Variants in SPOCK3 observed in about 807,000 individuals in gnomAD.
SPOCK3 encodes testican-3.
Under a neutral mutation model 56.6 loss-of-function variants are expected in SPOCK3, and 30 were observed. The observed-to-expected ratio is 0.53, with a 90% CI of 0.40 to 0.72. The LOEUF is 0.72. SPOCK3 is among the 30% of genes least tolerant of loss of function. The pLI, the probability that SPOCK3 is intolerant of heterozygous loss-of-function variation, is 0.00. For missense variants in SPOCK3, 527 were observed against 530.0 expected, an observed-to-expected ratio of 0.99 and a Z score of 0.06; for synonymous variants, 196 against 183.3, an observed-to-expected ratio of 1.07 and a Z score of -0.56.
chr4:166,927,525 G>A (rs944829277), intron 4 of SPOCK3, among the ~76,000 whole-genome samples: 2 of 152,236 alleles, frequency 1.3e-5, no homozygotes, highest in African/African-American at 4.8e-5. Context: ...TCAGCAGCAT[G>A]AAAACAGATG....
Position 166,734,884 on chromosome 4 carries a change from T to C in SPOCK3, c.*37A>G, listed in dbSNP as rs749013330. 7.0e-7 allele frequency: 1 copy of C among 1,429,652 alleles called. No homozygotes were observed. Among genetic ancestry groups the C allele is most frequent in the South Asian group, 1.4e-5 (1 of 69,654 alleles). 88.6% of individuals were successfully genotyped at this position (1,429,652 alleles called of 1,614,324 possible). On this transcript the variant is annotated 3_prime_UTR_variant, in exon 11 of 11. Transcript: ENST00000357545. Reference sequence around the variant, plus strand: ...AATAGGCTATCATTTTTGTAAATATTAGAAATGTAGAATTTATTGATTTCA... The same window carrying C: ...AATAGGCTATCATTTTTGTAAATATCAGAAATGTAGAATTTATTGATTTCA...
chr4:166,997,737 TG>T (rs1348731974), intron 4 of SPOCK3, among the ~76,000 whole-genome samples: 2 of 152,112 alleles, frequency 1.3e-5, no homozygotes, highest in Admixed American at 1.3e-4. Context: ...TCTAAAGCAA[TG>T]GAGAAATGAG....
At chr4:167,162,192 TA>T (rs1561281233) in intron 2 of SPOCK3, among the ~76,000 whole-genome samples, 2 of 152,074 alleles carry the variant, frequency 1.3e-5, no homozygotes, top group East Asian at 3.9e-4. Flanking sequence ...CACAAAAAAA[TA>T]CACCAGTTTA....
intron 3 of SPOCK3, among the ~76,000 whole-genome samples, chr4:167,050,292 C>T (rs1754078387): frequency 1.3e-5 from 2 of 152,074 alleles, no homozygotes; most frequent in Admixed American, 1.3e-4. Context: ...TTTGATAAGC[C>T]ATTGCTAGTA....
At chr4:167,109,096 T>TATATTTATATAAAAATATATAAAAA (rs1561224327) in intron 2 of SPOCK3, among the ~76,000 whole-genome samples, 1 of 290 alleles carries the variant, frequency 3.4e-3, no homozygotes, top group African/African-American at 0.019. Flanking sequence ...TATATAAATA[T>TATATTTATATAAAAATATATAAAAA]TATATATTTA....
chr4:166,783,786 G>A (rs1740431780), intron 7 of SPOCK3, among the ~76,000 whole-genome samples: 1 of 151,936 alleles, frequency 6.6e-6, no homozygotes, highest in Non-Finnish European at 1.5e-5. Flanking sequence ...ACTTCTTGAT[G>A]CTTTTAAGAC....
chr4:166,938,947 T>TAC (rs1554005597), intron 4 of SPOCK3, among the ~76,000 whole-genome samples: 5 of 102,828 alleles, frequency 4.9e-5, no homozygotes, highest in Admixed American at 2.4e-4. Context: ...AAGACACACA[T>TAC]ACACACACCA....
intron 6 of SPOCK3, among the ~76,000 whole-genome samples, chr4:166,861,340 TTC>T (rs1335886399): frequency 6.6e-6 from 1 of 152,072 alleles, no homozygotes; most frequent in Non-Finnish European, 1.5e-5. Context: ...CTCTCTTTTT[TTC>T]TCTCTCTCCT....
At chr4:166,790,421 C>T (rs1300437717) in intron 7 of SPOCK3, among the ~76,000 whole-genome samples, 2 of 152,108 alleles carry the variant, frequency 1.3e-5, no homozygotes, top group Non-Finnish European at 2.9e-5. Context: ...AGGGACCCAG[C>T]CATTTCTTGT....
chr4:166,781,892 A>G (rs2126618428), intron 7 of SPOCK3, among the ~76,000 whole-genome samples: 1 of 152,276 alleles, frequency 6.6e-6, no homozygotes. Flanking sequence ...ACAAAACAAA[A>G]CACAAAGCTC....
At chr4:166,954,801 T>A (rs997356811) in intron 4 of SPOCK3, among the ~76,000 whole-genome samples, 1 of 152,178 alleles carries the variant, frequency 6.6e-6, no homozygotes, top group Non-Finnish European at 1.5e-5. Flanking sequence ...TTAGTGCCTA[T>A]TGGCATGAAA....
At chr4:166,963,227 T>C (rs988130954) in intron 4 of SPOCK3, among the ~76,000 whole-genome samples, 1 of 152,020 alleles carries the variant, frequency 6.6e-6, no homozygotes, top group African/African-American at 2.4e-5. Flanking sequence ...ATTACTAAAA[T>C]TAGTTAAGTA....
intron 4 of SPOCK3, among the ~76,000 whole-genome samples, chr4:166,939,076 C>T (rs1391061105): frequency 6.6e-6 from 1 of 152,036 alleles, no homozygotes; most frequent in African/African-American, 2.4e-5. Context: ...AGGCTCTATA[C>T]AGTTAAATGG....
At chr4:167,145,984 C>T (rs541096572) in intron 2 of SPOCK3, among the ~76,000 whole-genome samples, 1 of 152,256 alleles carries the variant, frequency 6.6e-6, no homozygotes, top group East Asian at 1.9e-4. Context: ...TGTAAACAGG[C>T]TAAATTCTCC....
chr4:167,064,586 T>A (rs1042891800), intron 2 of SPOCK3, among the ~76,000 whole-genome samples: 3 of 151,714 alleles, frequency 2.0e-5, no homozygotes, highest in African/African-American at 7.3e-5. Flanking sequence ...ATTCCAAGCA[T>A]GGGGAGGAAT....
intron 6 of SPOCK3, among the ~76,000 whole-genome samples, chr4:166,883,870 G>A (rs182845526): frequency 8.5e-5 from 13 of 152,154 alleles, no homozygotes; most frequent in South Asian, 2.1e-4. Context: ...AATTATAACC[G>A]CTAAAACATA....
At chr4:166,804,132 G>T (rs1458393202) in intron 6 of SPOCK3, among the ~76,000 whole-genome samples, 1 of 152,150 alleles carries the variant, frequency 6.6e-6, no homozygotes, top group Non-Finnish European at 1.5e-5. Context: ...AGGAGTAGTA[G>T]TAAGGTTTCT....
At chr4:167,194,653 T>A (rs778711443) in intron 2 of SPOCK3, among the ~76,000 whole-genome samples, 1 of 152,206 alleles carries the variant, frequency 6.6e-6, no homozygotes, top group African/African-American at 2.4e-5. Flanking sequence ...CTTATTAGTA[T>A]TGAAACCAGG....
chr4:167,075,200 A>T (rs1757068299), intron 2 of SPOCK3, among the ~76,000 whole-genome samples: 1 of 151,858 alleles, frequency 6.6e-6, no homozygotes, highest in African/African-American at 2.4e-5. Flanking sequence ...TATGGAACAA[A>T]CCTTTTACAA....
Sources: allele counts gnomAD v4.1 joint callset (sites outside exome capture counted in the v4.1 genomes callset), GRCh38; gene constraint gnomAD v4.1.1; transcripts MANE v1.5; gene names NCBI Gene and HGNC (gene_info 2026-07-23, HGNC 2026-07-21).